RC3H1: variants seen among roughly 807,000 people sequenced by gnomAD.
RC3H1 encodes roquin-1.
In RC3H1, 50 loss-of-function variants were observed where a neutral mutation model predicts 138.2. That is an observed-to-expected ratio of 0.36 (90% CI 0.29 to 0.46). The LOEUF (loss-of-function observed/expected upper bound fraction) is 0.46. Ranked by LOEUF, RC3H1 falls within the 20% of genes least tolerant of loss-of-function variation. The pLI is 1.00. For synonymous variants in RC3H1, 462 were observed against 489.1 expected, an observed-to-expected ratio of 0.94 and a Z score of 0.73; for missense variants, 1,031 against 1,388.1, an observed-to-expected ratio of 0.74 and a Z score of 4.09.
At chr1:173,966,725 A>C (rs565415859) in intron 9 of RC3H1, among the ~76,000 whole-genome samples, 11 of 152,012 alleles carry the variant, frequency 7.2e-5, no homozygotes, top group East Asian at 3.9e-4. Flanking sequence ...AAAAAACAAA[A>C]AAAAAAAGTA....
chr1:173,979,378 T>A (rs1312396605), intron 6 of RC3H1, among the ~76,000 whole-genome samples: 2 of 152,202 alleles, frequency 1.3e-5, no homozygotes, highest in African/African-American at 4.8e-5. Context: ...CCAGGCACAG[T>A]GGCTCACGCC....
intron 1 of RC3H1, among the ~76,000 whole-genome samples, chr1:174,007,463 T>TTTG (rs1049766749): frequency 6.6e-6 from 1 of 152,042 alleles, no homozygotes; most frequent in Non-Finnish European, 1.5e-5. Flanking sequence ...CATGCAATGT[T>TTTG]TTGTTGTTGT....
In RC3H1 at chr1:173,970,621, A is replaced by C; in HGVS notation, c.1222-4T>G. 6.2e-7 allele frequency: 1 copy of C among 1,602,616 alleles called. No individual in the cohort carries two copies. Among genetic ancestry groups the C allele is most frequent in the Non-Finnish European group, 8.5e-7 (1 of 1,171,734 alleles). ...TGTATTTGCTATGCTGTGGAGGCTA[A>C]AACCAAAATCAAAACATTAGATGTG... On this transcript the variant is annotated splice_region_variant and splice_polypyrimidine_tract_variant and intron_variant, in intron 8 of 19. Coordinates refer to ENST00000367696, the MANE Select transcript of RC3H1 (RefSeq NM_172071.4).
At chr1:174,013,347 T>C (rs574860121) in intron 1 of RC3H1, among the ~76,000 whole-genome samples, 64 of 152,170 alleles carry the variant, frequency 4.2e-4, no homozygotes, top group Admixed American at 9.2e-4. Flanking sequence ...ACTAGGTACA[T>C]GTGGCTATTG....
chr1:173,947,221 CCTTT>C, intron 15 of RC3H1, 144 bp downstream of exon 15: 1 of 630,028 alleles, frequency 1.6e-6, no homozygotes, highest in Non-Finnish European at 2.8e-6. Flanking sequence ...GGTTATATTA[CCTTT>C]CTTACAGGGA....
chr1:173,947,143 G>A (rs1428217924), intron 15 of RC3H1, among the ~76,000 whole-genome samples: 1 of 152,020 alleles, frequency 6.6e-6, no homozygotes, highest in Non-Finnish European at 1.5e-5. Context: ...GGGTGGAGTG[G>A]GGAAGAAACA....
intron 2 of RC3H1, among the ~76,000 whole-genome samples, chr1:173,986,564 T>G (rs1661041427): frequency 6.7e-6 from 1 of 149,034 alleles, no homozygotes; most frequent in African/African-American, 2.5e-5. Context: ...TCTCTCCCTC[T>G]TTTTTTTTTC....
At chr1:174,013,451 T>C (rs1050248251) in intron 1 of RC3H1, among the ~76,000 whole-genome samples, 1 of 151,492 alleles carries the variant, frequency 6.6e-6, no homozygotes, top group Non-Finnish European at 1.5e-5. Flanking sequence ...ATTATATATA[T>C]ATATTTTTTG....
Position 174,022,169 on chromosome 1 carries a change from C to T in RC3H1, c.-224G>A, listed in dbSNP as rs1047630049. 63 of 395,262 alleles carry T rather than the reference C, an allele frequency of 1.6e-4. No homozygotes were observed. The East Asian group carries it at 2.0e-3, about 13-fold the overall frequency. The allele number at this position is 395,262 out of a possible 1,614,324, so 24.5% of individuals were successfully genotyped here. On this transcript the variant is annotated 5_prime_UTR_variant, in exon 1 of 20. Transcript: ENST00000367696. The surrounding 1 kb of genome is among the most constrained non-coding windows in gnomAD (Gnocchi z 4.2). ...GTCGCCACCGCCGCGGCAGCCGCCGCCGCCGCCGAGGCCACCGTTGACTCT... is the reference window on the plus strand; with the variant it reads ...GTCGCCACCGCCGCGGCAGCCGCCGTCGCCGCCGAGGCCACCGTTGACTCT...
intron 1 of RC3H1, among the ~76,000 whole-genome samples, chr1:174,017,683 G>A (rs751557407): frequency 2.8e-5 from 4 of 143,704 alleles, no homozygotes; most frequent in African/African-American, 1.0e-4. Flanking sequence ...CACCTAAACT[G>A]TTTACTTTAA....
intron 10 of RC3H1, 24 bp downstream of exon 10, chr1:173,964,815 A>G: frequency 6.3e-7 from 1 of 1,579,186 alleles, no homozygotes; most frequent in Non-Finnish European, 8.6e-7. Flanking sequence ...AAATTTTGAA[A>G]TAAGAGTTAG....
Position 173,978,563 on chromosome 1 carries a change from G to T in RC3H1, c.1027C>A (p.Arg343=), listed in dbSNP as rs1660676584. 1.2e-6 allele frequency: 2 copies of T among 1,613,386 alleles called. No homozygotes were observed. Among genetic ancestry groups the T allele is most frequent in the African/African-American group, 1.3e-5 (1 of 74,996 alleles). Residue 343 remains arginine (R), a synonymous_variant, in exon 7 of 20, where the codon CGA becomes AGA. Transcript: ENST00000367696. The part of the protein sequence containing the change: ...SVQELTIALQ[R]TGDPANLNRL... ...TTCAAGTTTGCTGGGTCTCCAGTTC[G>T]CTGGAGAGCAATTGTTAGTTCCTGA...
intron 2 of RC3H1, among the ~76,000 whole-genome samples, chr1:173,988,446 C>G (rs1447033025): frequency 6.6e-6 from 1 of 152,176 alleles, no homozygotes; most frequent in Non-Finnish European, 1.5e-5. Flanking sequence ...TACAATGTGC[C>G]ATTGTATGGA....
intron 1 of RC3H1, among the ~76,000 whole-genome samples, chr1:173,993,999 A>T (rs1260893167): frequency 2.2e-5 from 3 of 137,830 alleles, no homozygotes; most frequent in Non-Finnish European, 4.6e-5. Flanking sequence ...CACTCTGGGG[A>T]ACAAGAGTGA....
chr1:173,941,464 G>T, intron 18 of RC3H1, 84 bp from the exon 19 acceptor site: 1 of 782,162 alleles, frequency 1.3e-6, no homozygotes, highest in Non-Finnish European at 2.2e-6. Flanking sequence ...AATACAAAGT[G>T]ATGATCCAGA....
intron 2 of RC3H1, among the ~76,000 whole-genome samples, chr1:173,988,954 A>T (rs1661147393): frequency 6.6e-6 from 1 of 152,204 alleles, no homozygotes; most frequent in Non-Finnish European, 1.5e-5. Flanking sequence ...CTTTATCAGA[A>T]ATAGGATTTT....
chr1:173,945,639 C>T (rs1408529530), intron 17 of RC3H1, among the ~76,000 whole-genome samples: 2 of 151,980 alleles, frequency 1.3e-5, no homozygotes, highest in African/African-American at 2.4e-5. Context: ...TTAAATGGTA[C>T]AGAACTACGT....
intron 7 of RC3H1, among the ~76,000 whole-genome samples, chr1:173,976,095 G>T (rs1488520786): frequency 1.3e-5 from 2 of 151,746 alleles, no homozygotes; most frequent in African/African-American, 2.4e-5. Flanking sequence ...ATAAAGAAGA[G>T]AATTAGTAGC....
chr1:173,947,287 C>A, intron 15 of RC3H1, 82 bp downstream of exon 15: 3 of 923,692 alleles, frequency 3.2e-6, no homozygotes, highest in South Asian at 2.8e-5. Flanking sequence ...ACTAAAAACA[C>A]TGATAGTAAA....
Sources: gnomAD v4.1 joint callset for allele counts (sites outside exome capture counted in the v4.1 genomes callset) on GRCh38, gnomAD v4.1.1 for gene constraint, Gnocchi (gnomAD v3.1) non-coding constraint, MANE v1.5 for transcripts, NCBI Gene and HGNC (gene_info 2026-07-23, HGNC 2026-07-21) for gene names.